The following ANKRD7 variants were observed in gnomAD, a reference collection of about 807,000 sequenced individuals.
The protein encoded by ANKRD7 is ankyrin repeat domain 7, also known as ankyrin repeat domain-containing protein 7.
A neutral mutation model predicts 30.8 loss-of-function variants in ANKRD7; 30 were observed. The ratio of observed to expected loss-of-function variants is 0.97; its 90% CI spans 0.73 to 1.32. The LOEUF (loss-of-function observed/expected upper bound fraction) is 1.32. Among genes scored for constraint, ANKRD7 ranks in the 40% most tolerant of loss-of-function variants. The probability of loss-of-function intolerance (pLI) is 0.00; values close to 1 mark genes in which losing one functional copy is unlikely to be tolerated. For synonymous variants in ANKRD7, 97 were observed against 106.6 expected (o/e 0.91, Z 0.55); for missense variants, 264 against 295.7 (o/e 0.89, Z 0.79).
chr7:118,239,286 C>G (rs949080628), intron 5 of ANKRD7, among the ~76,000 whole-genome samples: 1 of 152,162 alleles, frequency 6.6e-6, no homozygotes, highest in African/African-American at 2.4e-5. Flanking sequence ...AACCGCTTTG[C>G]AAAGGATCTA....
chr7:118,228,024 G>C (rs753814818), intron 1 of ANKRD7: 1 of 1,304,870 alleles, frequency 7.7e-7, no homozygotes, highest in African/African-American at 1.5e-5. Context: ...CTTCATTCAG[G>C]GGTCAGTTTT....
Position 118,232,713 on chromosome 7 carries a change from AGTGTGTTT to A in ANKRD7, c.180-1711_180-1704del, listed in dbSNP as rs1350039921. 5.9e-5 allele frequency among the ~76,000 whole-genome samples: 7 copies of A among 117,956 alleles called. No homozygotes were observed. The East Asian group carries it at 1.8e-3, about 30-fold the overall frequency. 77.4% of individuals were successfully genotyped at this position (117,956 alleles called of 152,430 possible). On this transcript the variant is annotated intron_variant, in intron 1 of 6. Transcript: ENST00000265224. Reference sequence around the variant, plus strand: ...CCATTTACTTTCTCTTAGTAAGAGCAGTGTGTTTGTGTGTGTGTGTGTGTGTGTGTGTG... The same window carrying A: ...CCATTTACTTTCTCTTAGTAAGAGCAGTGTGTGTGTGTGTGTGTGTGTGTG...
At chr7:118,239,099 C>A (rs1360688150) in intron 5 of ANKRD7, among the ~76,000 whole-genome samples, 1 of 152,164 alleles carries the variant, frequency 6.6e-6, no homozygotes, top group Non-Finnish European at 1.5e-5. Flanking sequence ...GGGCAGTCAC[C>A]TAAAGCAGGT....
intron 6 of ANKRD7, among the ~76,000 whole-genome samples, chr7:118,241,807 A>G (rs958676640): frequency 5.3e-5 from 8 of 151,922 alleles, no homozygotes; most frequent in Admixed American, 5.3e-4. Flanking sequence ...CCAAAGTGCT[A>G]TAATTACATG....
intron 1 of ANKRD7, chr7:118,227,999 A>G: frequency 7.6e-7 from 1 of 1,312,326 alleles, no homozygotes; most frequent in Non-Finnish European, 1.0e-6. Context: ...AAGGTAATCG[A>G]TAACTTCAAT....
chr7:118,240,904 CA>C (rs1257084860), intron 6 of ANKRD7, among the ~76,000 whole-genome samples: 1 of 151,594 alleles, frequency 6.6e-6, no homozygotes, highest in Non-Finnish European at 1.5e-5. Context: ...CCTGTAATCC[CA>C]GCACTTTGGG....
chr7:118,227,833 C>T (rs1342262267), intron 1 of ANKRD7: 11 of 1,259,934 alleles, frequency 8.7e-6, no homozygotes, highest in Non-Finnish European at 1.1e-5. Context: ...CATCATCTTT[C>T]ATCACAGGTG....
chr7:118,240,432 G>C (rs911675759), intron 6 of ANKRD7, among the ~76,000 whole-genome samples: 1 of 151,854 alleles, frequency 6.6e-6, no homozygotes, highest in Non-Finnish European at 1.5e-5. Context: ...TTGTTCTTGC[G>C]ATAGTTTACT....
intron 1 of ANKRD7, among the ~76,000 whole-genome samples, chr7:118,232,646 C>T (rs1364196879): frequency 6.6e-6 from 1 of 151,672 alleles, no homozygotes; most frequent in African/African-American, 2.4e-5. Context: ...GCGAGGTATA[C>T]AGCAGGGTGC....
intron 6 of ANKRD7, among the ~76,000 whole-genome samples, chr7:118,240,613 T>C (rs1237337583): frequency 1.3e-5 from 2 of 149,658 alleles, no homozygotes; most frequent in Non-Finnish European, 2.9e-5. Context: ...ATTAAGATCA[T>C]TTTTTAACCC....
At chr7:118,233,748 A>G (rs765474478) in intron 1 of ANKRD7, among the ~76,000 whole-genome samples, 6 of 152,164 alleles carry the variant, frequency 3.9e-5, no homozygotes, top group Admixed American at 6.5e-5. Flanking sequence ...CTATAATGAT[A>G]TCACCTTAGA....
intron 1 of ANKRD7, chr7:118,228,119 G>T: frequency 8.6e-7 from 1 of 1,157,158 alleles, no homozygotes; most frequent in South Asian, 1.6e-5. Context: ...GAACACTGGG[G>T]CCATCTGGCA....
At chr7:118,228,317 A>C (rs1402173106) in intron 1 of ANKRD7, among the ~76,000 whole-genome samples, 1 of 152,172 alleles carries the variant, frequency 6.6e-6, no homozygotes, top group Non-Finnish European at 1.5e-5. Flanking sequence ...TTTAATCTCC[A>C]GCCAACCAGA....
intron 1 of ANKRD7, among the ~76,000 whole-genome samples, chr7:118,231,818 T>G (rs1298789667): frequency 2.0e-5 from 3 of 152,000 alleles, no homozygotes; most frequent in Admixed American, 6.6e-5. Context: ...TGGGAGAAAA[T>G]AGAACTTGAA....
intron 1 of ANKRD7, among the ~76,000 whole-genome samples, chr7:118,231,766 A>G (rs761552007): frequency 1.2e-4 from 18 of 152,026 alleles, no homozygotes; most frequent in Non-Finnish European, 2.5e-4. Context: ...TCCACAGTCT[A>G]TGCTGACAAT....
intron 6 of ANKRD7, among the ~76,000 whole-genome samples, chr7:118,241,023 G>A (rs574087812): frequency 1.4e-4 from 21 of 149,418 alleles, no homozygotes; most frequent in African/African-American, 2.9e-4. Flanking sequence ...GCGCGGTGGC[G>A]GGCGCCTGTA....
At chr7:118,233,149 A>T (rs956064364) in intron 1 of ANKRD7, among the ~76,000 whole-genome samples, 1 of 152,158 alleles carries the variant, frequency 6.6e-6, no homozygotes, top group Non-Finnish European at 1.5e-5. Flanking sequence ...GTTTTGAGGG[A>T]AACATAATTT....
chr7:118,239,035 C>G (rs1809779513), intron 5 of ANKRD7, among the ~76,000 whole-genome samples: 1 of 152,160 alleles, frequency 6.6e-6, no homozygotes, highest in African/African-American at 2.4e-5. Flanking sequence ...CAGAGAGACA[C>G]AGGGGTGCTC....
intron 5 of ANKRD7, 108 bp from the exon 6 acceptor site, chr7:118,239,801 A>G: frequency 1.8e-6 from 1 of 545,226 alleles, no homozygotes. Flanking sequence ...CAAGTGTGTT[A>G]CATTCTTGGG....
Sources: gnomAD v4.1 joint callset for allele counts (sites outside exome capture counted in the v4.1 genomes callset) on GRCh38, gnomAD v4.1.1 for gene constraint, MANE v1.5 for transcripts, NCBI Gene and HGNC (gene_info 2026-07-23, HGNC 2026-07-21) for gene names.